The following CYFIP2 variants were observed in gnomAD, a reference collection of about 807,000 sequenced individuals.
CYFIP2 encodes cytoplasmic FMR1 interacting protein 2, also known as cytoplasmic FMR1-interacting protein 2.
In CYFIP2, 29 loss-of-function variants were observed where a neutral mutation model predicts 158.7. The observed-to-expected ratio is 0.18, with a 90% CI of 0.14 to 0.25. The LOEUF (loss-of-function observed/expected upper bound fraction) is 0.25. Among genes scored for constraint, CYFIP2 ranks in the 10% least tolerant of loss-of-function variants. The probability of loss-of-function intolerance (pLI) is 1.00; values close to 1 mark genes in which losing one functional copy is unlikely to be tolerated. For missense variants in CYFIP2, 852 were observed against 1,639.5 expected (o/e 0.52, Z 8.29); for synonymous variants, 585 against 617.6 (o/e 0.95, Z 0.78).
At chr5:157,371,040 C>T (rs949113628) in intron 26 of CYFIP2, among the ~76,000 whole-genome samples, 16 of 152,116 alleles carry the variant, frequency 1.1e-4, no homozygotes, top group East Asian at 1.9e-4. Flanking sequence ...CAGCGTCTCT[C>T]GGTTGGGCTT....
chr5:157,389,413 C>T lies in CYFIP2; in HGVS notation c.3432C>T (p.Asn1144=), dbSNP rs558440946. ...TGTACTGCATCCCTGTGGGAACCAA[C>T]GAGTTCACAGCTGAGTGAGTACCCC... is the stretch of plus-strand genomic sequence containing the variant. ...QFVYCIPVGT[N]EFTAEQCFGD... is the part of the protein sequence containing the mutation. Residue 1144 remains asparagine (N), a synonymous_variant, in exon 29 of 31, where the codon AAC becomes AAT. Transcript: ENST00000620254. 52 of 1,597,072 alleles carry T rather than the reference C, an allele frequency of 3.3e-5. 1 individual carries two copies. The South Asian group carries it at 4.8e-4, about 15-fold the overall frequency.
rs1581082225 is a variant in CYFIP2, at chr5:157,333,501, C to A, written c.2385+55C>A. ...GCTCTGTGATTTCTCAGACTAGAAG[C>A]CTAGATGGGGACTGTAGTTAGTCTA... is the stretch of plus-strand genomic sequence containing the variant. On this transcript the variant is annotated intron_variant, in intron 21 of 30. Transcript: ENST00000620254. 1.8e-5 allele frequency: 29 copies of A among 1,612,496 alleles called. No homozygotes were observed. The South Asian group carries it at 2.9e-4, about 16-fold the overall frequency.
chr5:157,311,595 C>T lies in CYFIP2; in HGVS notation c.993-69C>T. 2 of 1,394,370 alleles carry T rather than the reference C, an allele frequency of 1.4e-6. No individual in the cohort carries two copies. The highest frequency in any genetic ancestry group is 1.3e-5 in the South Asian group (1 of 76,158). The allele number at this position is 1,394,370 out of a possible 1,614,324, so 86.4% of individuals were successfully genotyped here. ...GGCCACGTGGGCTGAGCACCAGGAG[C>T]AGCTAATGCCTGTTCCACCCAGGCG... On this transcript the variant is annotated intron_variant, in intron 10 of 30. Coordinates refer to ENST00000620254, the MANE Select transcript of CYFIP2 (RefSeq NM_001037333.3). The surrounding 1 kb of genome is among the most constrained non-coding windows in gnomAD (Gnocchi z 4.7).
At chr5:157,296,554 A>T in intron 4 of CYFIP2, 119 bp from the exon 5 acceptor site, 2 of 887,106 alleles carry the variant, frequency 2.3e-6, no homozygotes, top group Non-Finnish European at 3.6e-6. Flanking sequence ...TGATCATGCC[A>T]CTGCACTCTA....
intron 29 of CYFIP2, among the ~76,000 whole-genome samples, chr5:157,390,084 CCCTTTCAG>C (rs1293401118): frequency 2.6e-5 from 4 of 152,194 alleles, no homozygotes; most frequent in African/African-American, 4.8e-5. Flanking sequence ...CCTGTCCCTT[CCCTTTCAG>C]CCTGCTTCTG....
intron 1 of CYFIP2, among the ~76,000 whole-genome samples, chr5:157,273,414 T>C (rs1756270916): frequency 6.6e-6 from 1 of 152,178 alleles, no homozygotes; most frequent in African/African-American, 2.4e-5. Flanking sequence ...TTATTACTCC[T>C]CAGTTAATAT....
At chr5:157,307,414 T>C (rs1759324183) in intron 8 of CYFIP2, among the ~76,000 whole-genome samples, 3 of 152,200 alleles carry the variant, frequency 2.0e-5, no homozygotes, top group African/African-American at 7.2e-5. Context: ...AACCTCCCTG[T>C]GTCTCTGATT....
intron 21 of CYFIP2, among the ~76,000 whole-genome samples, chr5:157,337,350 C>T (rs1561741184): frequency 1.3e-5 from 2 of 152,160 alleles, no homozygotes; most frequent in African/African-American, 4.8e-5. Flanking sequence ...CATCACTAAT[C>T]CCCCACTCCA....
At chr5:157,281,844 A>C (rs956613298) in intron 1 of CYFIP2, among the ~76,000 whole-genome samples, 8 of 152,188 alleles carry the variant, frequency 5.3e-5, no homozygotes, top group African/African-American at 1.9e-4. Flanking sequence ...ATAGGTAACT[A>C]ATTTTTAAAA....
intron 1 of CYFIP2, among the ~76,000 whole-genome samples, chr5:157,268,602 C>T (rs918665685): frequency 3.9e-5 from 6 of 152,216 alleles, no homozygotes; most frequent in East Asian, 1.9e-4. Flanking sequence ...ACACTCTCAA[C>T]GCAGCTTCTT....
rs894266234 is a variant in CYFIP2 at position 157,303,296 on chromosome 5, G to A, written c.666+406G>A. 2.6e-5 allele frequency among the ~76,000 whole-genome samples: 4 copies of A among 152,162 alleles called. No homozygotes were observed. In the East Asian group the frequency reaches 7.7e-4, roughly 29 times the overall value. On this transcript the variant is annotated intron_variant, in intron 7 of 30. Coordinates refer to ENST00000620254, the MANE Select transcript of CYFIP2 (RefSeq NM_001037333.3). Reference sequence around the variant, plus strand: ...AATATTATGAGAACCCATCTCATAGGACTGTTGTGAGAAATAAATGATACC... The same window carrying A: ...AATATTATGAGAACCCATCTCATAGAACTGTTGTGAGAAATAAATGATACC...
intron 19 of CYFIP2, among the ~76,000 whole-genome samples, chr5:157,330,246 G>GTGTGTGTT (rs2113169859): frequency 1.4e-5 from 1 of 72,014 alleles, no homozygotes; most frequent in Non-Finnish European, 2.7e-5. Context: ...TAAAATGTGT[G>GTGTGTGTT]TGTGTGTGTG....
chr5:157,274,514 A>G (rs555435652), intron 1 of CYFIP2, among the ~76,000 whole-genome samples: 6 of 152,214 alleles, frequency 3.9e-5, no homozygotes, highest in Non-Finnish European at 7.3e-5. Context: ...AGCTATTACA[A>G]ATAATGGTGC....
chr5:157,388,071 C>T (rs1413297239), intron 28 of CYFIP2, among the ~76,000 whole-genome samples: 1 of 152,216 alleles, frequency 6.6e-6, no homozygotes, highest in Non-Finnish European at 1.5e-5. Flanking sequence ...GGTGAAACCT[C>T]CCACTGGGGA....
At chr5:157,316,550 A>G (rs1287511413) in intron 13 of CYFIP2, among the ~76,000 whole-genome samples, 2 of 152,182 alleles carry the variant, frequency 1.3e-5, no homozygotes, top group African/African-American at 2.4e-5. Flanking sequence ...TGATGTTTCT[A>G]TTTGGGAGGA....
chr5:157,345,994 A>G (rs888852537), intron 23 of CYFIP2, among the ~76,000 whole-genome samples: 1 of 152,226 alleles, frequency 6.6e-6, no homozygotes, highest in African/African-American at 2.4e-5. Context: ...CAACCAAAGC[A>G]GTAATATTCA....
chr5:157,339,727 G>A (rs1012275947), intron 22 of CYFIP2, among the ~76,000 whole-genome samples: 3 of 152,190 alleles, frequency 2.0e-5, no homozygotes, highest in East Asian at 3.8e-4. Context: ...AAACCTCAAC[G>A]GAGGCTTCCT....
intron 23 of CYFIP2, chr5:157,342,916 G>A: frequency 6.2e-7 from 1 of 1,614,170 alleles, no homozygotes; most frequent in East Asian, 2.2e-5. Context: ...CCCTCTGTAA[G>A]GCACCCGCAT....
In CYFIP2 at chr5:157,325,540, G is replaced by A. The variant is rs757267994; in HGVS notation, c.1884G>A (p.Glu628=). 5.6e-6 allele frequency: 9 copies of A among 1,613,264 alleles called. No individual in the cohort carries two copies. Among genetic ancestry groups the A allele is most frequent in the Admixed American group, 5.0e-5 (3 of 59,932 alleles). ...TCTGGTTCCGAGAATTCTTCCTGGA[G>A]TTAACCATGGGCCGACGAATCCAGT... ...SQLWFREFFL[E]LTMGRRIQFP... The change falls in exon 17 of 31, where the codon GAG becomes GAA. Residue 628 remains glutamate (E), a synonymous_variant. Transcript: ENST00000620254.
Sources: allele counts gnomAD v4.1 joint callset (sites outside exome capture counted in the v4.1 genomes callset), GRCh38; gene constraint gnomAD v4.1.1; non-coding constraint Gnocchi (gnomAD v3.1); transcripts MANE v1.5; gene names NCBI Gene and HGNC (gene_info 2026-07-23, HGNC 2026-07-21).